The following MRPS25 variants were observed in gnomAD, a reference collection of about 807,000 sequenced individuals.
MRPS25 encodes small ribosomal subunit protein mS25.
In MRPS25, 15 loss-of-function variants were observed where a neutral mutation model predicts 17.3. The ratio of observed to expected loss-of-function variants is 0.87; its 90% CI spans 0.58 to 1.34. The LOEUF is 1.34. Ranked by LOEUF, MRPS25 falls within the 40% of genes most tolerant of loss-of-function variation. The pLI, the probability that MRPS25 is intolerant of heterozygous loss-of-function variation, is 0.00. For missense variants in MRPS25, 225 were observed against 218.6 expected (o/e 1.03, Z -0.19); for synonymous variants, 94 against 83.3 (o/e 1.13, Z -0.70).
At chr3:15,063,689 T>C (rs2042812541) in intron 1 of MRPS25, among the ~76,000 whole-genome samples, 1 of 152,164 alleles carries the variant, frequency 6.6e-6, no homozygotes, top group African/African-American at 2.4e-5. Flanking sequence ...GCTGGCCATT[T>C]AAAAGCCAGA....
chr3:15,060,095 G>A (rs546010633), intron 1 of MRPS25, among the ~76,000 whole-genome samples: 1 of 152,234 alleles, frequency 6.6e-6, no homozygotes, highest in Non-Finnish European at 1.5e-5. Flanking sequence ...ACAAAATTTG[G>A]AATAATGATA....
At chr3:15,046,301 A>C (rs1463612813), downstream of MRPS25, 1 of 152,228 alleles carries the variant, frequency 6.6e-6, no homozygotes, top group African/African-American at 2.4e-5. Flanking sequence ...TCAGTATTGA[A>C]TGTGGACTCT....
intron 2 of MRPS25, among the ~76,000 whole-genome samples, chr3:15,056,040 C>T (rs184886954): frequency 1.3e-3 from 195 of 151,918 alleles, no homozygotes; most frequent in Middle Eastern, 3.4e-3. Context: ...CGTGAAACCC[C>T]GTCTCTACTA....
At position 15,062,544 on chromosome 3, in the gene MRPS25, G is replaced by A. The variant is rs1436807240; in HGVS notation, c.134+2517C>T. Among the ~76,000 whole-genome samples the A allele has an allele frequency of 4.3e-3, 659 of 151,778 alleles. 1 individual carries two copies. Among genetic ancestry groups the A allele is most frequent in the African/African-American group, 0.015 (627 of 41,358 alleles). On this transcript the variant is annotated intron_variant, in intron 1 of 3. Transcript: ENST00000253686. ...TGGGAAGTGAGGAGCCCCTCTGCCC[G>A]GCCACCACCCCATCTGGGAGGTGTG... is the stretch of plus-strand genomic sequence containing the variant.
Position 15,050,116 on chromosome 3 carries a change from G to T in MRPS25, c.*2325C>A. On this transcript the variant is annotated 3_prime_UTR_variant, in exon 4 of 4. Coordinates refer to ENST00000253686, the MANE Select transcript of MRPS25 (RefSeq NM_022497.5). Reference sequence around the variant, plus strand: ...CTAAACAAAATAGGGAAAGACAAAGGTTTAAAGAGAAACTATCCAGGATCA... The same window carrying T: ...CTAAACAAAATAGGGAAAGACAAAGTTTTAAAGAGAAACTATCCAGGATCA... The T allele has an allele frequency of 7.3e-7, 1 of 1,378,348 alleles. No homozygotes were observed. Among genetic ancestry groups the T allele is most frequent in the Non-Finnish European group, 9.3e-7 (1 of 1,078,316 alleles). The allele number at this position is 1,378,348 out of a possible 1,614,324, so 85.4% of individuals were successfully genotyped here. A position where few individuals can be genotyped will look rare whatever the true frequency, so the allele number is the denominator to read the frequency against.
intron 2 of MRPS25, among the ~76,000 whole-genome samples, chr3:15,056,258 C>T (rs1029037818): frequency 3.3e-5 from 5 of 151,916 alleles, no homozygotes; most frequent in Admixed American, 6.6e-5. Flanking sequence ...AAATAAATAT[C>T]TGAGTGGCCA....
intron 2 of MRPS25, among the ~76,000 whole-genome samples, chr3:15,055,384 A>G (rs532426075): frequency 2.0e-5 from 3 of 152,366 alleles, no homozygotes; most frequent in Admixed American, 6.5e-5. Flanking sequence ...TGAGATCTCA[A>G]TGAGTCACTA....
chr3:15,065,261 A>G lies in MRPS25; in HGVS notation c.-67T>C. 6.8e-7 allele frequency: 1 copy of G among 1,478,460 alleles called. No homozygotes were observed. Among genetic ancestry groups the G allele is most frequent in the Non-Finnish European group, 9.0e-7 (1 of 1,112,822 alleles). The allele number at this position is 1,478,460 out of a possible 1,614,324, so 91.6% of individuals were successfully genotyped here. ...GAGCAGCGACGAGAAAGGACTAGCT[A>G]GCACCCGCGCGGATCTCACGCGGCT... is the stretch of plus-strand genomic sequence containing the variant. On this transcript the variant is annotated 5_prime_UTR_variant, in exon 1 of 4. Transcript: ENST00000253686.
At chr3:15,060,439 G>C (rs2042736127) in intron 1 of MRPS25, among the ~76,000 whole-genome samples, 1 of 151,250 alleles carries the variant, frequency 6.6e-6, no homozygotes, top group African/African-American at 2.4e-5. Context: ...CTTAAGCCCG[G>C]GAGTTTGAGG....
At chr3:15,044,925 T>A (rs1230138182), downstream of MRPS25, 1 of 152,228 alleles carries the variant, frequency 6.6e-6, no homozygotes, top group Non-Finnish European at 1.5e-5. Context: ...TGGATTTAAT[T>A]ATATCATTTT....
At position 15,052,354 on chromosome 3, in the gene MRPS25, C is replaced by T; in HGVS notation, c.*87G>A. 1.3e-6 allele frequency: 2 copies of T among 1,528,322 alleles called. No homozygotes were observed. Among genetic ancestry groups the T allele is most frequent in the East Asian group, 2.3e-5 (1 of 43,978 alleles). The allele number at this position is 1,528,322 out of a possible 1,614,324, so 94.7% of individuals were successfully genotyped here. A position where few individuals can be genotyped will look rare whatever the true frequency, so the allele number is the denominator to read the frequency against. ...ATTTCCAGAGTCTCCAGGGACAGAA[C>T]CAGGGGCTTCCCTGGGCCAAAGTAA... is the stretch of plus-strand genomic sequence containing the variant. On this transcript the variant is annotated 3_prime_UTR_variant, in exon 4 of 4. Coordinates refer to ENST00000253686, the MANE Select transcript of MRPS25 (RefSeq NM_022497.5).
chr3:15,059,417 T>C lies in MRPS25; in HGVS notation c.193A>G (p.Met65Val), dbSNP rs745656664. The C allele has an allele frequency of 6.2e-7, 1 of 1,613,868 alleles. No homozygotes were observed. The highest frequency in any genetic ancestry group is 8.5e-7 in the Non-Finnish European group (1 of 1,179,828). ...GACGGCGTCATGTTCTTAAACATCA[T>C]GATCTGCACCCAAGGGTTTTTGTAT... ...IQYKNPWVQIMMFKNMTPSPF... is the reference protein window; with the variant it reads ...IQYKNPWVQIVMFKNMTPSPF... The change falls in exon 2 of 4, where the codon ATG becomes GTG. Residue 65 changes from methionine to valine, a missense_variant. Met to Val is a conservative substitution (Grantham distance 21). Coordinates refer to ENST00000253686, the MANE Select transcript of MRPS25 (RefSeq NM_022497.5).
Position 15,050,713 on chromosome 3 carries a change from T to C in MRPS25, c.*1728A>G. 1 of 985,410 alleles carries C rather than the reference T, an allele frequency of 1.0e-6. No individual in the cohort carries two copies. The highest frequency in any genetic ancestry group is 1.2e-6 in the Non-Finnish European group (1 of 829,926). 61.0% of individuals were successfully genotyped at this position (985,410 alleles called of 1,614,324 possible). On this transcript the variant is annotated 3_prime_UTR_variant, in exon 4 of 4. Coordinates refer to ENST00000253686, the MANE Select transcript of MRPS25 (RefSeq NM_022497.5). ...AGATTTCAATTAAACACTCCCTTTG[T>C]AAGTCTGTCACTCAAGGAACACCTG...
At position 15,052,590 on chromosome 3, in the gene MRPS25, G is replaced by C; in HGVS notation, c.373C>G (p.His125Asp). The change falls in exon 4 of 4, where the codon CAC (histidine) becomes GAC (aspartate). Residue 125 changes from histidine (H) to aspartate (D), a missense_variant. His to Asp is a moderately conservative substitution (Grantham distance 81, BLOSUM62 -1). Coordinates refer to ENST00000253686, the MANE Select transcript of MRPS25 (RefSeq NM_022497.5). ...TTTCGAGGGCCGAAGTTGGCTGGGT[G>C]AGAAAGCTGCTTTTTCTCCTCCTCC... The part of the protein sequence containing the change: ...EEEEEKKQLS[H>D]PANFGPRKYC... 1 of 1,614,204 alleles carries C rather than the reference G, an allele frequency of 6.2e-7. No individual in the cohort carries two copies. The highest frequency in any genetic ancestry group is 8.5e-7 in the Non-Finnish European group (1 of 1,180,026).
intron 2 of MRPS25, among the ~76,000 whole-genome samples, chr3:15,057,305 C>T (rs1017823664): frequency 6.6e-6 from 1 of 152,216 alleles, no homozygotes; most frequent in African/African-American, 2.4e-5. Flanking sequence ...CCTGCCCGGC[C>T]TCCTCACTCT....
intron 1 of MRPS25, 54 bp downstream of exon 1, chr3:15,065,007 G>C: frequency 5.1e-6 from 8 of 1,558,660 alleles, no homozygotes; most frequent in Non-Finnish European, 6.9e-6. Context: ...GTTACCAGCA[G>C]GCTGGCACGA....
chr3:15,052,499 A>G lies in MRPS25; in HGVS notation c.464T>C (p.Leu155Ser), dbSNP rs1361766508. 2 of 1,614,074 alleles carry G rather than the reference A, an allele frequency of 1.2e-6. No individual in the cohort carries two copies. The highest frequency in any genetic ancestry group is 2.2e-5 in the South Asian group (2 of 91,074). ...GQVPCPSLVPLPKEMRGKYKA... is the reference protein window; with the variant it reads ...GQVPCPSLVPSPKEMRGKYKA... ...GTACTTCCCCCTCATCTCCTTGGGT[A>G]ATGGCACCAGGCTGGGGCAGGGCAC... is the stretch of plus-strand genomic sequence containing the variant. Residue 155 changes from leucine (L) to serine (S), a missense_variant, in exon 4 of 4, where the codon TTA (leucine) becomes TCA (serine). Physicochemically the swap from Leu to Ser is moderately radical, Grantham distance 145. Transcript: ENST00000253686.
intron 1 of MRPS25, among the ~76,000 whole-genome samples, chr3:15,059,762 G>A (rs1559329320): frequency 6.6e-6 from 1 of 152,148 alleles, no homozygotes; most frequent in South Asian, 2.1e-4. Flanking sequence ...AAGGTACTAC[G>A]TCGTGATTTG....
intron 2 of MRPS25, among the ~76,000 whole-genome samples, chr3:15,056,154 G>A (rs2042670511): frequency 6.6e-6 from 1 of 151,636 alleles, no homozygotes; most frequent in African/African-American, 2.4e-5. Context: ...GGTGGAGCTT[G>A]CAGTGAGCCG....
Sources: allele counts gnomAD v4.1 joint callset (sites outside exome capture counted in the v4.1 genomes callset), GRCh38; gene constraint gnomAD v4.1.1; transcripts MANE v1.5; gene names NCBI Gene and HGNC (gene_info 2026-07-23, HGNC 2026-07-21).